Variants in SENP5 observed in about 807,000 individuals in gnomAD.
The protein encoded by SENP5 is sentrin-specific protease 5.
SENP5 carries 21 observed loss-of-function variants against 74.2 expected under a neutral mutation model. The ratio of observed to expected loss-of-function variants is 0.28; its 90% CI spans 0.20 to 0.41. SENP5 has a LOEUF of 0.41. Among genes scored for constraint, SENP5 ranks in the 10% least tolerant of loss-of-function variants. SENP5 has a pLI of 1.00. For missense variants in SENP5, 717 were observed against 889.1 expected, an observed-to-expected ratio of 0.81 and a Z score of 2.46; for synonymous variants, 311 against 312.7, an observed-to-expected ratio of 0.99 and a Z score of 0.06.
At chr3:196,923,075 A>G (rs114613235) in intron 6 of SENP5, among the ~76,000 whole-genome samples, 8 of 152,278 alleles carry the variant, frequency 5.3e-5, no homozygotes, top group Admixed American at 2.6e-4. Context: ...TTCTAATACT[A>G]TGATTCCTTT....
chr3:196,887,806 T>C (rs1714037529), intron 2 of SENP5, among the ~76,000 whole-genome samples: 1 of 152,146 alleles, frequency 6.6e-6, no homozygotes, highest in South Asian at 2.1e-4. Flanking sequence ...TCTTGCTCTG[T>C]CACCCAGGCT....
At chr3:196,868,369 G>C (rs1404273421) in intron 1 of SENP5, among the ~76,000 whole-genome samples, 1 of 152,260 alleles carries the variant, frequency 6.6e-6, no homozygotes, top group African/African-American at 2.4e-5. Context: ...GGAAAGCTCT[G>C]AGAGGAGGAG....
chr3:196,893,725 T>C (rs199898469), intron 2 of SENP5, among the ~76,000 whole-genome samples: 1 of 151,926 alleles, frequency 6.6e-6, no homozygotes, highest in Non-Finnish European at 1.5e-5. Flanking sequence ...GCCTGACCAA[T>C]ATGGTGAAAC....
chr3:196,880,746 A>G (rs947162475), intron 1 of SENP5, among the ~76,000 whole-genome samples: 1 of 148,882 alleles, frequency 6.7e-6, no homozygotes, highest in Non-Finnish European at 1.5e-5. Flanking sequence ...GGTTCAAGCA[A>G]TTCTCCTGCC....
chr3:196,875,147 T>C (rs947344808), intron 1 of SENP5, among the ~76,000 whole-genome samples: 1 of 152,212 alleles, frequency 6.6e-6, no homozygotes, highest in African/African-American at 2.4e-5. Context: ...CTAATCGATC[T>C]CCGTCTGTGT....
intron 2 of SENP5, among the ~76,000 whole-genome samples, chr3:196,895,125 G>C (rs913422335): frequency 2.0e-5 from 3 of 152,000 alleles, no homozygotes; most frequent in African/African-American, 7.2e-5. Context: ...ATGTGACCCA[G>C]GTCAGTTGCA....
In SENP5 at chr3:196,928,443, C is replaced by T. The variant is rs79868245; in HGVS notation, c.2106+564C>T. Among the ~76,000 whole-genome samples the T allele has an allele frequency of 1.2e-3, 188 of 152,324 alleles. 6 individuals carry two copies. The East Asian group carries it at 0.03, about 25-fold the overall frequency. ...CATTGATGGTGGGCTGTGTTGTTTC[C>T]AGTGTTTTTGTGTATTGGATCTCAT... On this transcript the variant is annotated intron_variant, in intron 8 of 9. Transcript: ENST00000323460.
At chr3:196,893,513 A>G (rs1714301677) in intron 2 of SENP5, among the ~76,000 whole-genome samples, 1 of 152,220 alleles carries the variant, frequency 6.6e-6, no homozygotes, top group Non-Finnish European at 1.5e-5. Context: ...AGAGGTAAAA[A>G]TAAATGGCCA....
chr3:196,905,303 A>AAAGCAAGC (rs768863338), intron 6 of SENP5: 1 of 152,274 alleles, frequency 6.6e-6, no homozygotes, highest in South Asian at 2.1e-4. Context: ...TTCTGTGACC[A>AAAGCAAGC]AAGCAAGCAA....
At chr3:196,890,821 A>G (rs1204147188) in intron 2 of SENP5, among the ~76,000 whole-genome samples, 1 of 152,226 alleles carries the variant, frequency 6.6e-6, no homozygotes, top group African/African-American at 2.4e-5. Flanking sequence ...TAAAACACAC[A>G]AATACATACA....
At chr3:196,874,970 T>C (rs1028056403) in intron 1 of SENP5, among the ~76,000 whole-genome samples, 2 of 152,250 alleles carry the variant, frequency 1.3e-5, no homozygotes, top group Non-Finnish European at 2.9e-5. Context: ...GATCTTATCA[T>C]TTTCTATAGC....
Position 196,886,191 on chromosome 3 carries a change from A to T in SENP5, c.1010A>T (p.Glu337Val). 2.5e-6 allele frequency: 4 copies of T among 1,614,202 alleles called. No homozygotes were observed. The highest frequency in any genetic ancestry group is 3.4e-6 in the Non-Finnish European group (4 of 1,180,040). The change falls in exon 2 of 10, where the codon GAG (glutamate) becomes GTG (valine). Residue 337 changes from glutamate (E) to valine (V), a missense_variant. Physicochemically the swap from Glu to Val is moderately radical, Grantham distance 121. This residue lies in a region of SENP5 where 567 missense variants were observed against 577.4 expected (regional missense o/e 0.98). Coordinates refer to ENST00000323460, the MANE Select transcript of SENP5 (RefSeq NM_152699.5). ...AAAGGAAGCTCTTTCTTGGGCAAGG[A>T]GCTTAGTTTAGACGAAGCATTCCCT... The part of the protein sequence containing the change: ...HTKGSSFLGK[E>V]LSLDEAFPDQ...
intron 2 of SENP5, among the ~76,000 whole-genome samples, chr3:196,896,164 A>G (rs753698995): frequency 6.6e-6 from 1 of 152,236 alleles, no homozygotes; most frequent in Non-Finnish European, 1.5e-5. Flanking sequence ...GTTTAATGAA[A>G]GCAAGTGGAT....
intron 1 of SENP5, among the ~76,000 whole-genome samples, chr3:196,873,621 G>A (rs4916569): frequency 0.42 from 63,339 of 150,454 alleles, 13,713 homozygotes; most frequent in Non-Finnish European, 0.46. Context: ...CGGGTGGATT[G>A]CGAGGTCAGG....
chr3:196,931,893 C>T lies in SENP5; in HGVS notation c.*970C>T, dbSNP rs1353914058. 4.4e-6 allele frequency: 2 copies of T among 453,062 alleles called. No individual in the cohort carries two copies. Among genetic ancestry groups the T allele is most frequent in the Non-Finnish European group, 8.9e-6 (2 of 225,684 alleles). The allele number at this position is 453,062 out of a possible 1,614,324, so 28.1% of individuals were successfully genotyped here. A position where few individuals can be genotyped will look rare whatever the true frequency, so the allele number is the denominator to read the frequency against. On this transcript the variant is annotated 3_prime_UTR_variant, in exon 10 of 10. Transcript: ENST00000323460. ...GTAAACATTCAAAACTGAAGGCTGA[C>T]TGACTTGAGATGTTTTGCAGGTGGC...
chr3:196,923,552 G>A lies in SENP5; in HGVS notation c.2022+1G>A. On this transcript the variant is annotated splice_donor_variant, in intron 7 of 9. Transcript: ENST00000323460. LOFTEE classifies it high-confidence loss of function. The stretch of plus-strand genomic sequence containing the variant: ...CATTCATTTTAAGTTTTGTGTAGAG[G>A]TAAGTTAATATACTGCCTATTTTTT... 6.3e-7 allele frequency: 1 copy of A among 1,593,404 alleles called. No homozygotes were observed. The highest frequency in any genetic ancestry group is 8.6e-7 in the Non-Finnish European group (1 of 1,166,290).
chr3:196,929,970 A>C (rs918463509), intron 9 of SENP5, among the ~76,000 whole-genome samples: 2 of 146,400 alleles, frequency 1.4e-5, no homozygotes, highest in African/African-American at 2.6e-5. Flanking sequence ...TCCATATCAT[A>C]ACCATTGGCA....
At chr3:196,883,382 C>T (rs2108814239) in intron 1 of SENP5, among the ~76,000 whole-genome samples, 1 of 152,242 alleles carries the variant, frequency 6.6e-6, no homozygotes. Context: ...TATAGAGCTT[C>T]TTGCCAGTCT....
intron 6 of SENP5, among the ~76,000 whole-genome samples, chr3:196,921,825 T>C (rs1176647601): frequency 6.6e-6 from 1 of 152,192 alleles, no homozygotes; most frequent in Non-Finnish European, 1.5e-5. Flanking sequence ...GAAGGAAATC[T>C]TGGGAAATTA....
Sources: allele counts gnomAD v4.1 joint callset (sites outside exome capture counted in the v4.1 genomes callset), GRCh38; gene constraint gnomAD v4.1.1; regional missense constraint gnomAD v4.1.1; transcripts MANE v1.5; gene names NCBI Gene and HGNC (gene_info 2026-07-23, HGNC 2026-07-21).